Variants in ACAD8 observed in about 807,000 individuals in gnomAD.
The protein encoded by ACAD8 is acyl-CoA dehydrogenase family member 8.
ACAD8 carries 47 observed loss-of-function variants against 53.1 expected under a neutral mutation model. The observed-to-expected ratio is 0.89, with a 90% CI of 0.70 to 1.13. The LOEUF is 1.13. Among genes scored for constraint, ACAD8 ranks in the 50% most tolerant of loss-of-function variants. The pLI is 0.00. For synonymous variants in ACAD8, 198 were observed against 201.3 expected (o/e 0.98, Z 0.14); for missense variants, 494 against 535.0 (o/e 0.92, Z 0.76).
chr11:134,262,310 G>T, intron 9 of ACAD8: 1 of 666,490 alleles, frequency 1.5e-6, no homozygotes, highest in Non-Finnish European at 2.8e-6. Context: ...GCTTTGAGTC[G>T]CCTGTCTGGG....
chr11:134,259,350 A>C lies in ACAD8; in HGVS notation c.568-258A>C, dbSNP rs568277085. 7.5e-6 allele frequency: 5 copies of C among 663,506 alleles called. No homozygotes were observed. In the East Asian group the frequency reaches 1.4e-4, roughly 18 times the overall value. 41.1% of individuals were successfully genotyped at this position (663,506 alleles called of 1,614,324 possible). ...TCTGCAGTCACTGCAGCGACCTTTTACCTCACCTCAGTCTCTGTGCCATTG... is the reference window on the plus strand; with the variant it reads ...TCTGCAGTCACTGCAGCGACCTTTTCCCTCACCTCAGTCTCTGTGCCATTG... On this transcript the variant is annotated intron_variant, in intron 5 of 10. Transcript: ENST00000281182.
chr11:134,263,389 C>A, intron 10 of ACAD8: 1 of 987,362 alleles, frequency 1.0e-6, no homozygotes. Flanking sequence ...CATGGGAGCG[C>A]AGATTGCGGG....
intron 10 of ACAD8, chr11:134,263,542 A>T (rs1940027370): frequency 1.0e-6 from 1 of 985,502 alleles, no homozygotes. Flanking sequence ...TGTCAGAGTC[A>T]CAGGCTACCA....
At chr11:134,260,603 C>T (rs935633004) in intron 6 of ACAD8, 2 of 286,760 alleles carry the variant, frequency 7.0e-6, no homozygotes, top group Admixed American at 1.0e-4. Flanking sequence ...GGCAGGAAGA[C>T]CTTCAGTAAA....
chr11:134,264,944 G>A lies in ACAD8; in HGVS notation c.1232G>A (p.Ser411Asn). 6.2e-7 allele frequency: 1 copy of A among 1,614,210 alleles called. No homozygotes were observed. Among genetic ancestry groups the A allele is most frequent in the Non-Finnish European group, 8.5e-7 (1 of 1,180,026 alleles). ...GTGATGAGGATACTGATCTCTAGAA[G>A]CCTGCTTCAGGAGTAGAACCCACAC... ...NEVMRILISR[S>N]LLQE is the part of the protein sequence containing the mutation. Residue 411 changes from serine to asparagine, a missense_variant, in exon 11 of 11, where the codon AGC becomes AAC. Ser to Asn is a conservative substitution (Grantham distance 46). Coordinates refer to ENST00000281182, the MANE Select transcript of ACAD8 (RefSeq NM_014384.3).
rs746013093 is a variant in ACAD8 at position 134,256,628 on chromosome 11, A to G, written c.190A>G (p.Met64Val). The change falls in exon 2 of 11, where the codon ATG (methionine) becomes GTG (valine). Residue 64 changes from methionine to valine, a missense_variant. Physicochemically the swap from Met to Val is conservative, Grantham distance 21. Coordinates refer to ENST00000281182, the MANE Select transcript of ACAD8 (RefSeq NM_014384.3). ...DFAAREMAPNMAEWDQKELFP... is the reference protein window; with the variant it reads ...DFAAREMAPNVAEWDQKELFP... Reference sequence around the variant, plus strand: ...TGCTGCCCGAGAGATGGCTCCAAATATGGCAGAGTGGGACCAGAAGGTAGG... The same window carrying G: ...TGCTGCCCGAGAGATGGCTCCAAATGTGGCAGAGTGGGACCAGAAGGTAGG... The G allele has an allele frequency of 5.6e-6, 9 of 1,614,078 alleles. No homozygotes were observed. Among genetic ancestry groups the G allele is most frequent in the East Asian group, 2.2e-5 (1 of 44,892 alleles).
In ACAD8 at chr11:134,261,040, C is replaced by T; in HGVS notation, c.706-4C>T. The T allele has an allele frequency of 6.2e-7, 1 of 1,611,574 alleles. No individual in the cohort carries two copies. Among genetic ancestry groups the T allele is most frequent in the African/African-American group, 1.3e-5 (1 of 74,968 alleles). ...GCAACCACGCAGTCCCTGATTTTTG[C>T]CAGGTGGGGTGGAACTCCCAGCCAA... On this transcript the variant is annotated splice_region_variant and splice_polypyrimidine_tract_variant and intron_variant, in intron 6 of 10. Transcript: ENST00000281182. The surrounding 1 kb of genome is among the most constrained non-coding windows in gnomAD (Gnocchi z 4.2).
chr11:134,262,408 T>A (rs1565376786), intron 9 of ACAD8, 112 bp from the exon 10 acceptor site: 1 of 732,042 alleles, frequency 1.4e-6, no homozygotes, highest in Non-Finnish European at 2.4e-6. Flanking sequence ...TGTTTGTGGT[T>A]CTTTCATGGG....
chr11:134,257,299 G>T, intron 3 of ACAD8, 42 bp downstream of exon 3: 1 of 1,606,800 alleles, frequency 6.2e-7, no homozygotes, highest in Non-Finnish European at 8.5e-7. Flanking sequence ...GTGCTCACTC[G>T]GGCTGACTGT....
chr11:134,262,245 C>G, intron 9 of ACAD8: 1 of 652,450 alleles, frequency 1.5e-6, no homozygotes. Flanking sequence ...TCATCCCAGC[C>G]AGGGTGGCTG....
chr11:134,263,313 G>GGGCTTCC, intron 10 of ACAD8: 1 of 999,454 alleles, frequency 1.0e-6, no homozygotes, highest in South Asian at 4.3e-5. Flanking sequence ...TTATATAATG[G>GGGCTTCC]GGCTTCCCTG....
At chr11:134,264,776 C>T in intron 10 of ACAD8, 132 bp from the exon 11 acceptor site, 1 of 825,272 alleles carries the variant, frequency 1.2e-6, no homozygotes, top group Non-Finnish European at 2.2e-6. Flanking sequence ...TCATCTCTCC[C>T]AGGCTAAAAG....
chr11:134,263,691 G>T (rs1591518393), intron 10 of ACAD8: 1 of 983,044 alleles, frequency 1.0e-6, no homozygotes, highest in Non-Finnish European at 1.2e-6. Context: ...TGAGCTTTAT[G>T]TGCGTAGGAA....
chr11:134,258,237 C>G (rs1591509107), intron 3 of ACAD8: 1 of 491,606 alleles, frequency 2.0e-6, no homozygotes, highest in Middle Eastern at 5.3e-4. Flanking sequence ...ACATATAACT[C>G]TGATTTTTAG....
intron 1 of ACAD8, among the ~76,000 whole-genome samples, chr11:134,255,124 G>A (rs1298806143): frequency 6.6e-6 from 1 of 152,138 alleles, no homozygotes; most frequent in Non-Finnish European, 1.5e-5. Flanking sequence ...GTCATCCTTT[G>A]TGTGAATGGA....
intron 6 of ACAD8, chr11:134,260,047 T>G: frequency 8.1e-7 from 1 of 1,231,580 alleles, no homozygotes; most frequent in South Asian, 1.6e-5. Context: ...GTTGGTGCAC[T>G]TTGTTGCTCC....
chr11:134,259,688 A>G lies in ACAD8; in HGVS notation c.648A>G (p.Ser216=). 4 of 1,606,906 alleles carry G rather than the reference A, an allele frequency of 2.5e-6. No homozygotes were observed. The African/African-American group carries it at 4.0e-5, about 16-fold the overall frequency. ...RTGGPGPKGI[S]CIVVEKGTPG... ...GAGGACCAGGCCCCAAGGGCATCTC[A>G]TGCATAGTTGTTGAGAAGGGGACCC... The change falls in exon 6 of 11, where the codon TCA becomes TCG. Residue 216 remains serine (S), a synonymous_variant. Transcript: ENST00000281182.
At chr11:134,259,179 C>T (rs767097878) in intron 5 of ACAD8, 95 bp downstream of exon 5, 13 of 1,108,364 alleles carry the variant, frequency 1.2e-5, no homozygotes, top group South Asian at 8.9e-5. Flanking sequence ...TTAATACTCC[C>T]ATAGGATTTT....
chr11:134,265,028 C>T lies in ACAD8; in HGVS notation c.*68C>T, dbSNP rs528120855. The T allele has an allele frequency of 1.7e-5, 26 of 1,523,154 alleles. No homozygotes were observed. Among genetic ancestry groups the T allele is most frequent in the South Asian group, 2.2e-5 (2 of 89,198 alleles). 94.4% of individuals were successfully genotyped at this position (1,523,154 alleles called of 1,614,324 possible). A position where few individuals can be genotyped will look rare whatever the true frequency, so the allele number is the denominator to read the frequency against. ...CAGTGTTGAGTGGTGCCATGTGGGC[C>T]GCTCTATTCCAAAGGAATCATGGAT... On this transcript the variant is annotated 3_prime_UTR_variant, in exon 11 of 11. Transcript: ENST00000281182.
Sources: allele counts gnomAD v4.1 joint callset (sites outside exome capture counted in the v4.1 genomes callset), GRCh38; gene constraint gnomAD v4.1.1; non-coding constraint Gnocchi (gnomAD v3.1); transcripts MANE v1.5; gene names NCBI Gene and HGNC (gene_info 2026-07-23, HGNC 2026-07-21).